The following TRAPPC9 variants were observed in gnomAD, a reference collection of about 807,000 sequenced individuals.
The protein encoded by TRAPPC9 is IKK2 binding protein.
Under a neutral mutation model 124.0 loss-of-function variants are expected in TRAPPC9, and 83 were observed. The ratio of observed to expected loss-of-function variants is 0.67; its 90% CI spans 0.56 to 0.80. The LOEUF (loss-of-function observed/expected upper bound fraction) is 0.80. TRAPPC9 is among the 30% of genes least tolerant of loss of function. The pLI, the probability that TRAPPC9 is intolerant of heterozygous loss-of-function variation, is 0.00. For synonymous variants in TRAPPC9, 638 were observed against 617.5 expected (o/e 1.03, Z -0.49); for missense variants, 1,302 against 1,508.3 (o/e 0.86, Z 2.27).
intron 5 of TRAPPC9, among the ~76,000 whole-genome samples, chr8:140,406,929 C>T (rs1182412263): frequency 3.9e-5 from 6 of 152,308 alleles, no homozygotes; most frequent in Middle Eastern, 3.4e-3. Flanking sequence ...ATCAGCACGA[C>T]CCGGTGACAT....
intron 18 of TRAPPC9, among the ~76,000 whole-genome samples, chr8:140,015,537 T>C (rs2131872551): frequency 6.6e-6 from 1 of 152,204 alleles, no homozygotes; most frequent in South Asian, 2.1e-4. Context: ...AGATAGAATT[T>C]AGCACTTTGG....
At chr8:140,425,972 G>A (rs1038290600) in intron 5 of TRAPPC9, among the ~76,000 whole-genome samples, 20 of 152,204 alleles carry the variant, frequency 1.3e-4, no homozygotes, top group Admixed American at 5.2e-4. Flanking sequence ...TGCACGAGGC[G>A]ATGAAAGCGA....
intron 18 of TRAPPC9, among the ~76,000 whole-genome samples, chr8:140,005,591 G>A (rs1425942330): frequency 6.6e-6 from 1 of 151,992 alleles, no homozygotes; most frequent in Non-Finnish European, 1.5e-5. Context: ...CTTATTGGGG[G>A]AAACTTCCAG....
chr8:139,838,692 G>C (rs1277429707), intron 21 of TRAPPC9, among the ~76,000 whole-genome samples: 1 of 152,226 alleles, frequency 6.6e-6, no homozygotes, highest in Non-Finnish European at 1.5e-5. Context: ...GAGGAGGCCT[G>C]CCAGCCTCTG....
At chr8:140,059,576 G>A (rs1842477740) in intron 17 of TRAPPC9, among the ~76,000 whole-genome samples, 1 of 152,220 alleles carries the variant, frequency 6.6e-6, no homozygotes, top group Non-Finnish European at 1.5e-5. Context: ...CAGCAGTACA[G>A]GTGCGTTCCA....
chr8:140,178,371 T>G (rs1350508576), intron 17 of TRAPPC9, among the ~76,000 whole-genome samples: 1 of 152,144 alleles, frequency 6.6e-6, no homozygotes, highest in Non-Finnish European at 1.5e-5. Flanking sequence ...GTTTTTATTC[T>G]CCTTCATTCT....
At chr8:140,005,766 G>A (rs1166213637) in intron 18 of TRAPPC9, among the ~76,000 whole-genome samples, 2 of 152,018 alleles carry the variant, frequency 1.3e-5, no homozygotes, top group African/African-American at 4.8e-5. Context: ...AAAGGTCTTA[G>A]CCAGCCATGG....
intron 21 of TRAPPC9, among the ~76,000 whole-genome samples, chr8:139,841,845 G>C (rs1333148293): frequency 1.3e-5 from 2 of 152,332 alleles, no homozygotes; most frequent in Admixed American, 1.3e-4. Flanking sequence ...CCACCCACTG[G>C]GGAGCAGCCC....
At position 139,788,303 on chromosome 8, in the gene TRAPPC9, G is replaced by A. The variant is rs1281113207; in HGVS notation, c.3056-56101C>T. 6.6e-6 allele frequency among the ~76,000 whole-genome samples: 1 copy of A among 152,152 alleles called. No homozygotes were observed. The highest frequency in any genetic ancestry group is 1.5e-5 in the Non-Finnish European group (1 of 68,030). On this transcript the variant is annotated intron_variant, in intron 21 of 22. Coordinates refer to ENST00000438773, the MANE Select transcript of TRAPPC9 (RefSeq NM_001160372.4). The surrounding 1 kb of genome is among the most constrained non-coding windows in gnomAD (Gnocchi z 4.9). ...TATGTTGGAGGAGGGGAAGGGTGGT[G>A]GATTAATTTTAAAATTTAACTTGCT...
chr8:140,098,914 A>G (rs1397661283), intron 17 of TRAPPC9: 1 of 150,948 alleles, frequency 6.6e-6, no homozygotes, highest in African/African-American at 2.4e-5. Context: ...ACAGGGGAGG[A>G]CACCCAGGTA....
In TRAPPC9 at chr8:140,429,086, GTTT is replaced by G. The variant is rs71320358; in HGVS notation, c.860-2448_860-2446del. 1.6e-3 allele frequency among the ~76,000 whole-genome samples: 223 copies of G among 143,098 alleles called. 1 individual carries two copies. Among genetic ancestry groups the G allele is most frequent in the Non-Finnish European group, 2.9e-3 (188 of 65,736 alleles). The allele number at this position is 143,098 out of a possible 152,430, so 93.9% of individuals were successfully genotyped here. On this transcript the variant is annotated intron_variant, in intron 4 of 22. Transcript: ENST00000438773. ...TTTTGTTTTTTGTTTTTCTGTTTTT[GTTT>G]TTTTTTTTTTGAGACAGAGTCTCAC...
intron 13 of TRAPPC9, among the ~76,000 whole-genome samples, chr8:140,284,638 A>T (rs1351316884): frequency 6.6e-6 from 1 of 152,228 alleles, no homozygotes; most frequent in Non-Finnish European, 1.5e-5. Context: ...TTCACGAGAT[A>T]ATTATTATAA....
chr8:140,107,625 G>A (rs2060690496), intron 17 of TRAPPC9, among the ~76,000 whole-genome samples: 1 of 152,254 alleles, frequency 6.6e-6, no homozygotes, highest in South Asian at 2.1e-4. Flanking sequence ...GAGAAAGCCA[G>A]TGCAAGGGAG....
At chr8:140,011,927 C>T (rs1839163859) in intron 18 of TRAPPC9, among the ~76,000 whole-genome samples, 1 of 152,106 alleles carries the variant, frequency 6.6e-6, no homozygotes, top group African/African-American at 2.4e-5. Flanking sequence ...ATCCTCCTGC[C>T]TCAGCCTCCC....
chr8:139,774,976 C>T (rs887561645), intron 21 of TRAPPC9, among the ~76,000 whole-genome samples: 34 of 152,196 alleles, frequency 2.2e-4, no homozygotes, highest in African/African-American at 8.2e-4. Context: ...TATCATGTCG[C>T]CTCATGCAAT....
intron 19 of TRAPPC9, among the ~76,000 whole-genome samples, chr8:139,974,508 T>C (rs1836310722): frequency 6.6e-6 from 1 of 152,184 alleles, no homozygotes; most frequent in Non-Finnish European, 1.5e-5. Flanking sequence ...GAGGGGTAGT[T>C]ATGATAGTCC....
chr8:140,240,401 C>T (rs903688957), intron 16 of TRAPPC9, among the ~76,000 whole-genome samples: 1 of 152,162 alleles, frequency 6.6e-6, no homozygotes, highest in Non-Finnish European at 1.5e-5. Flanking sequence ...TCTGACCCCC[C>T]CAGGCTACGG....
chr8:140,189,010 G>A (rs1343482074), intron 17 of TRAPPC9, among the ~76,000 whole-genome samples: 1 of 152,058 alleles, frequency 6.6e-6, no homozygotes, highest in Non-Finnish European at 1.5e-5. Context: ...CCACAACATG[G>A]CCCAAATAAC....
intron 17 of TRAPPC9, among the ~76,000 whole-genome samples, chr8:140,176,619 G>A (rs939094825): frequency 1.3e-5 from 2 of 152,188 alleles, no homozygotes; most frequent in African/African-American, 4.8e-5. Context: ...AAGCTGCTAT[G>A]GGCATCGGTC....
Sources: gnomAD v4.1 joint callset for allele counts (sites outside exome capture counted in the v4.1 genomes callset) on GRCh38, gnomAD v4.1.1 for gene constraint, Gnocchi (gnomAD v3.1) non-coding constraint, MANE v1.5 for transcripts, NCBI Gene and HGNC (gene_info 2026-07-23, HGNC 2026-07-21) for gene names.